The following WWC1 variants were observed in gnomAD, a reference collection of about 807,000 sequenced individuals.
WWC1 encodes the protein protein KIBRA.
Under a neutral mutation model 138.4 loss-of-function variants are expected in WWC1, and 55 were observed. That is an observed-to-expected ratio of 0.40 (90% CI 0.32 to 0.50). WWC1 has a LOEUF of 0.50. Ranked by LOEUF, WWC1 falls within the 20% of genes least tolerant of loss-of-function variation. WWC1 has a pLI of 0.72. For missense variants in WWC1, 1,226 were observed against 1,420.4 expected, an observed-to-expected ratio of 0.86 and a Z score of 2.20; for synonymous variants, 524 against 564.9, an observed-to-expected ratio of 0.93 and a Z score of 1.03.
intron 20 of WWC1, among the ~76,000 whole-genome samples, chr5:168,463,946 G>A (rs1261039805): frequency 6.6e-6 from 1 of 152,154 alleles, no homozygotes; most frequent in Non-Finnish European, 1.5e-5. Flanking sequence ...TCTGTGTAAA[G>A]ACATTGTCTC....
At chr5:168,404,683 A>C (rs530375990) in intron 5 of WWC1, among the ~76,000 whole-genome samples, 4 of 152,270 alleles carry the variant, frequency 2.6e-5, no homozygotes, top group African/African-American at 9.6e-5. Flanking sequence ...TGAAATAATG[A>C]GTTTGTGGTG....
At chr5:168,448,060 C>T (rs952180718) in intron 17 of WWC1, among the ~76,000 whole-genome samples, 4 of 152,192 alleles carry the variant, frequency 2.6e-5, no homozygotes, top group Non-Finnish European at 1.5e-5. Flanking sequence ...CGCCTTCTGT[C>T]CCTTCTCCCT....
At chr5:168,412,709 T>A (rs1463364068) in intron 8 of WWC1, among the ~76,000 whole-genome samples, 2 of 152,088 alleles carry the variant, frequency 1.3e-5, no homozygotes, top group Admixed American at 1.3e-4. Context: ...CAACCAAGGA[T>A]CAAAAGTATC....
chr5:168,424,185 G>C, intron 11 of WWC1, 117 bp downstream of exon 11: 1 of 1,269,922 alleles, frequency 7.9e-7, no homozygotes, highest in Non-Finnish European at 1.1e-6. Context: ...TGTGTGCTGG[G>C]TCTTTGTATG....
At chr5:168,435,920 G>A (rs1782314917) in intron 15 of WWC1, among the ~76,000 whole-genome samples, 1 of 151,686 alleles carries the variant, frequency 6.6e-6, no homozygotes, top group South Asian at 2.1e-4. Flanking sequence ...TTGGCTCACT[G>A]CAACCTCCGC....
chr5:168,343,658 C>T (rs1441108767), intron 1 of WWC1, among the ~76,000 whole-genome samples: 1 of 152,096 alleles, frequency 6.6e-6, no homozygotes, highest in Non-Finnish European at 1.5e-5. Context: ...CCCGTCTCTA[C>T]TAAAAATACA....
intron 1 of WWC1, among the ~76,000 whole-genome samples, chr5:168,348,747 T>C (rs1452157049): frequency 6.6e-6 from 1 of 152,100 alleles, no homozygotes; most frequent in African/African-American, 2.4e-5. Context: ...AGCAGAGCCA[T>C]CCTGAAGGTA....
Position 168,326,216 on chromosome 5 carries a change from CT to C in WWC1, c.119+33963del, listed in dbSNP as rs796347858. Reference sequence around the variant, plus strand: ...TGGCTCAGGACACCGACCTGATAGTCTTTTTTTTTTTTTTTTTTGGGACGGA... The same window carrying C: ...TGGCTCAGGACACCGACCTGATAGTCTTTTTTTTTTTTTTTTTGGGACGGA... On this transcript the variant is annotated intron_variant, in intron 1 of 22. Transcript: ENST00000265293. Among the ~76,000 whole-genome samples, 527 of 113,272 alleles carry C rather than the reference CT, an allele frequency of 4.7e-3. 2 individuals are homozygous for C. The highest frequency in any genetic ancestry group is 0.015 in the African/African-American group (433 of 29,162). 74.3% of individuals were successfully genotyped at this position (113,272 alleles called of 152,430 possible).
intron 9 of WWC1, among the ~76,000 whole-genome samples, chr5:168,417,288 T>A (rs1236592280): frequency 6.6e-6 from 1 of 152,178 alleles, no homozygotes. Flanking sequence ...TAAATACATA[T>A]ATGGTCTGAA....
chr5:168,403,640 C>G (rs1779556659), intron 5 of WWC1, among the ~76,000 whole-genome samples: 1 of 152,112 alleles, frequency 6.6e-6, no homozygotes, highest in African/African-American at 2.4e-5. Context: ...AGCTCCCTTG[C>G]AAATAGGGAA....
At chr5:168,425,281 C>T (rs1360791776) in intron 11 of WWC1, among the ~76,000 whole-genome samples, 1 of 152,162 alleles carries the variant, frequency 6.6e-6, no homozygotes, top group Non-Finnish European at 1.5e-5. Context: ...CCACCAACCC[C>T]ATCTGGCTCT....
At chr5:168,356,541 G>A (rs1230584179) in intron 1 of WWC1, among the ~76,000 whole-genome samples, 1 of 152,240 alleles carries the variant, frequency 6.6e-6, no homozygotes, top group African/African-American at 2.4e-5. Context: ...GGAATCGAAT[G>A]TGATAATGGA....
intron 21 of WWC1, among the ~76,000 whole-genome samples, chr5:168,466,984 G>C (rs899152898): frequency 6.6e-6 from 1 of 152,156 alleles, no homozygotes; most frequent in African/African-American, 2.4e-5. Context: ...GCTTTAGGCC[G>C]GACGCGGTGG....
At position 168,292,091 on chromosome 5, in the gene WWC1, A is replaced by AGCCGCTGAGCCCCCGCTGCG; in HGVS notation, c.-57_-38dup. On this transcript the variant is annotated 5_prime_UTR_variant, in exon 1 of 23. Coordinates refer to ENST00000265293, the MANE Select transcript of WWC1 (RefSeq NM_015238.3). The surrounding 1 kb of genome is among the most constrained non-coding windows in gnomAD (Gnocchi z 4.4). Reference sequence around the variant, plus strand: ...GCCCGGGCTAAGAGCGGCCGGCTGGAGCCGCTGAGCCCCCGCTGCGGCCGG... The same window carrying AGCCGCTGAGCCCCCGCTGCG: ...GCCCGGGCTAAGAGCGGCCGGCTGGAGCCGCTGAGCCCCCGCTGCGGCCGCTGAGCCCCCGCTGCGGCCGG... The AGCCGCTGAGCCCCCGCTGCG allele has an allele frequency of 6.9e-7, 1 of 1,453,690 alleles. No individual in the cohort carries two copies. The highest frequency in any genetic ancestry group is 9.0e-7 in the Non-Finnish European group (1 of 1,106,308). The allele number at this position is 1,453,690 out of a possible 1,614,324, so 90.0% of individuals were successfully genotyped here.
intron 15 of WWC1, among the ~76,000 whole-genome samples, chr5:168,431,922 C>T (rs1781979962): frequency 6.6e-6 from 1 of 151,924 alleles, no homozygotes; most frequent in Non-Finnish European, 1.5e-5. Flanking sequence ...ATAAAATTAG[C>T]CAGGCATAGT....
chr5:168,394,612 G>T (rs1778755372), intron 3 of WWC1, among the ~76,000 whole-genome samples: 1 of 152,184 alleles, frequency 6.6e-6, no homozygotes, highest in African/African-American at 2.4e-5. Context: ...TGTAATCCCA[G>T]CTACTCGGGA....
intron 1 of WWC1, among the ~76,000 whole-genome samples, chr5:168,328,139 C>G (rs1489568507): frequency 6.6e-6 from 1 of 152,196 alleles, no homozygotes; most frequent in Admixed American, 6.5e-5. Context: ...ACATCTGCCT[C>G]TTGGATGGCT....
At chr5:168,317,789 C>G (rs1242059589) in intron 1 of WWC1, among the ~76,000 whole-genome samples, 9 of 152,168 alleles carry the variant, frequency 5.9e-5, no homozygotes, top group Non-Finnish European at 1.2e-4. Context: ...CCTAATGACT[C>G]CTAGAATATG....
chr5:168,441,124 G>T (rs1239061648), intron 15 of WWC1, among the ~76,000 whole-genome samples: 1 of 152,178 alleles, frequency 6.6e-6, no homozygotes, highest in Non-Finnish European at 1.5e-5. Flanking sequence ...CTGCGACACA[G>T]GTGGACCTTG....
Sources: gnomAD v4.1 joint callset for allele counts (sites outside exome capture counted in the v4.1 genomes callset) on GRCh38, gnomAD v4.1.1 for gene constraint, Gnocchi (gnomAD v3.1) non-coding constraint, MANE v1.5 for transcripts, NCBI Gene and HGNC (gene_info 2026-07-23, HGNC 2026-07-21) for gene names.